Variants in KCNT1 observed in about 807,000 individuals in gnomAD.
The protein encoded by KCNT1 is potassium channel subfamily T member 1.
A neutral mutation model predicts 147.8 loss-of-function variants in KCNT1; 78 were observed. The ratio of observed to expected loss-of-function variants is 0.53; its 90% CI spans 0.44 to 0.64. KCNT1 has a LOEUF of 0.64. Ranked by LOEUF, KCNT1 falls within the 30% of genes least tolerant of loss-of-function variation. The pLI, the probability that KCNT1 is intolerant of heterozygous loss-of-function variation, is 0.00. For synonymous variants in KCNT1, 867 were observed against 748.8 expected, an observed-to-expected ratio of 1.16 and a Z score of -2.58; for missense variants, 1,419 against 1,750.3, an observed-to-expected ratio of 0.81 and a Z score of 3.38.
At chr9:135,737,948 G>A (rs1024758634) in intron 2 of KCNT1, among the ~76,000 whole-genome samples, 12 of 152,198 alleles carry the variant, frequency 7.9e-5, no homozygotes, top group Non-Finnish European at 1.5e-4. Context: ...ACTGGCCAAG[G>A]CCCTGGGGAC....
rs367855961 is a variant in KCNT1, at chr9:135,777,328, C to T, written c.2350-10C>T. ...CTGACTCCAGCCCTGACTCCAGCATCTGCCCCCAGGGCTGCAAGCACAACA... is the reference window on the plus strand; with the variant it reads ...CTGACTCCAGCCCTGACTCCAGCATTTGCCCCCAGGGCTGCAAGCACAACA... On this transcript the variant is annotated splice_polypyrimidine_tract_variant and intron_variant, in intron 20 of 30. Coordinates refer to ENST00000371757, the MANE Select transcript of KCNT1 (RefSeq NM_020822.3). The T allele has an allele frequency of 2.0e-5, 33 of 1,610,994 alleles. No homozygotes were observed. In the African/African-American group the frequency reaches 3.6e-4, roughly 18 times the overall value.
Position 135,777,423 on chromosome 9 carries a change from A to G in KCNT1, c.2435A>G (p.Asn812Ser), listed in dbSNP as rs1564380461. 1.9e-6 allele frequency: 3 copies of G among 1,614,050 alleles called. No homozygotes were observed. Among genetic ancestry groups the G allele is most frequent in the South Asian group, 1.1e-5 (1 of 91,084 alleles). ...ATCGTCTCGGCAGAGACGGCCGGCA[A>G]TGGGCTGTACAACTTCATCGTGCCA... ...LIIVSAETAGNGLYNFIVPLR... is the reference protein window; with the variant it reads ...LIIVSAETAGSGLYNFIVPLR... The change falls in exon 21 of 31, where the codon AAT becomes AGT. Residue 812 changes from asparagine to serine, a missense_variant. By Grantham distance (46) the Asn-to-Ser change is conservative. Around this residue, in one of 5 missense-constraint regions of KCNT1, gnomAD observed 247 missense variants for 397.1 expected, o/e 0.62. Transcript: ENST00000371757.
chr9:135,791,640 C>T, intron 29 of KCNT1, 157 bp from the exon 30 acceptor site: 2 of 666,062 alleles, frequency 3.0e-6, no homozygotes, highest in Non-Finnish European at 5.3e-6. Flanking sequence ...CAGGGATGGG[C>T]CCTGGCTGGG....
intron 19 of KCNT1, among the ~76,000 whole-genome samples, chr9:135,773,349 G>A (rs2096224315): frequency 6.6e-6 from 1 of 152,296 alleles, no homozygotes; most frequent in Non-Finnish European, 1.5e-5. Context: ...CTCTGAATCA[G>A]GATGGAGCTG....
intron 15 of KCNT1, among the ~76,000 whole-genome samples, chr9:135,769,647 C>G (rs1832607799): frequency 6.6e-6 from 1 of 152,118 alleles, no homozygotes; most frequent in Admixed American, 6.5e-5. Context: ...GCCCAGGGGA[C>G]AGGGGTCAGG....
rs1314463699 is a variant in KCNT1, at chr9:135,755,182, C to T, written c.540+13C>T. On this transcript the variant is annotated intron_variant, in intron 6 of 30. Coordinates refer to ENST00000371757, the MANE Select transcript of KCNT1 (RefSeq NM_020822.3). ...GTGGGCGATCCAGGTGAGTGCCCTA[C>T]CCTGCCCCCCTCCCGACTGCAGTGG... 11 of 1,604,750 alleles carry T rather than the reference C, an allele frequency of 6.9e-6. No homozygotes were observed. The highest frequency in any genetic ancestry group is 9.4e-6 in the Non-Finnish European group (11 of 1,175,794).
chr9:135,784,101 C>T lies in KCNT1; in HGVS notation c.2919C>T (p.Ser973=), dbSNP rs767283714. Residue 973 remains serine, a synonymous_variant, in exon 25 of 31, where the codon AGC becomes AGT. Coordinates refer to ENST00000371757, the MANE Select transcript of KCNT1 (RefSeq NM_020822.3). The part of the protein sequence containing the change: ...PFAAGRVFSI[S]MLDTLLYQSF... Reference sequence around the variant, plus strand: ...CCGCCGGCCGCGTCTTCAGCATCAGCATGTTGGACACACTGCTCTACCAGG... The same window carrying T: ...CCGCCGGCCGCGTCTTCAGCATCAGTATGTTGGACACACTGCTCTACCAGG... 4 of 1,605,044 alleles carry T rather than the reference C, an allele frequency of 2.5e-6. No individual in the cohort carries two copies. The highest frequency in any genetic ancestry group is 2.5e-6 in the Non-Finnish European group (3 of 1,179,920).
In KCNT1 at chr9:135,707,837, A is replaced by G. The variant is rs1232647764; in HGVS notation, c.110+5469A>G. On this transcript the variant is annotated intron_variant, in intron 1 of 30. Transcript: ENST00000371757. ...GAAAGCTGCTCTGAAGTCTGTCTGG[A>G]TAAATCTACAGCTTGATTTCGGCTC... is the stretch of plus-strand genomic sequence containing the variant. Among the ~76,000 whole-genome samples, 3 of 152,262 alleles carry G rather than the reference A, an allele frequency of 2.0e-5. No homozygotes were observed. The East Asian group carries it at 5.8e-4, about 29-fold the overall frequency.
At chr9:135,759,917 G>A (rs895103568) in intron 11 of KCNT1, 58 bp downstream of exon 11, 3 of 1,478,328 alleles carry the variant, frequency 2.0e-6, no homozygotes, top group African/African-American at 2.8e-5. Context: ...GCGGGTGCCA[G>A]TAGAGGGAGG....
intron 25 of KCNT1, 109 bp from the exon 26 acceptor site, chr9:135,784,426 G>T: frequency 2.5e-6 from 2 of 813,688 alleles, no homozygotes; most frequent in Non-Finnish European, 4.0e-6. Context: ...TGGCGAGCCC[G>T]TGGCCGGTGG....
rs749581375 is a variant in KCNT1 at position 135,785,338 on chromosome 9, AC to A, written c.3177+12del. ...CACGACCTCAGAGCCCAGGTAAGCA[AC>A]CCCTCCGTGCCCACGCAGCTTCTGC... On this transcript the variant is annotated intron_variant, in intron 28 of 30. Transcript: ENST00000371757. 17 of 1,612,638 alleles carry A rather than the reference AC, an allele frequency of 1.1e-5. No individual in the cohort carries two copies. The Admixed American group carries it at 2.8e-4, about 27-fold the overall frequency.
At chr9:135,725,175 G>A (rs531717616) in intron 2 of KCNT1, among the ~76,000 whole-genome samples, 1 of 150,630 alleles carries the variant, frequency 6.6e-6, no homozygotes, top group East Asian at 2.0e-4. Flanking sequence ...CCTGTCGAGG[G>A]CCACACAGCT....
At chr9:135,727,163 TC>T (rs147355687) in intron 2 of KCNT1, among the ~76,000 whole-genome samples, 259 of 9,934 alleles carry the variant, frequency 0.026, 24 homozygotes, top group Non-Finnish European at 0.039. Context: ...CCCCCCTCCC[TC>T]CCCCCTTTCT....
rs374822198 is a variant in KCNT1 at position 135,742,858 on chromosome 9, G to C, written c.255-7240G>C. 2.1e-5 allele frequency: 15 copies of C among 716,348 alleles called. No individual in the cohort carries two copies. In the African/African-American group the frequency reaches 2.4e-4, roughly 12 times the overall value. The allele number at this position is 716,348 out of a possible 1,614,324, so 44.4% of individuals were successfully genotyped here. A position where few individuals can be genotyped will look rare whatever the true frequency, so the allele number is the denominator to read the frequency against. On this transcript the variant is annotated intron_variant, in intron 2 of 30. Transcript: ENST00000371757. ...GGAACTGTCTTGGTGGCAGACAAGG[G>C]CTCTTAGAGGTGTGAGAGCCCTTGT...
chr9:135,744,417 G>T (rs767477730), intron 2 of KCNT1, among the ~76,000 whole-genome samples: 2 of 152,246 alleles, frequency 1.3e-5, no homozygotes, highest in Non-Finnish European at 2.9e-5. Flanking sequence ...GCACAGGCAG[G>T]CAGTGGGCAT....
Position 135,777,487 on chromosome 9 carries a change from C to T in KCNT1, c.2499C>T (p.Pro833=), listed in dbSNP as rs143885955. 29 of 1,613,856 alleles carry T rather than the reference C, an allele frequency of 1.8e-5. No individual in the cohort carries two copies. The highest frequency in any genetic ancestry group is 4.5e-5 in the East Asian group (2 of 44,884). The change falls in exon 21 of 31, where the codon CCC becomes CCT. Residue 833 remains proline (P), a synonymous_variant. Transcript: ENST00000371757. The part of the protein sequence containing the change: ...AYYRSRKELN[P]IVLLLDNKPD... ...ACAGATCCCGCAAGGAGCTGAACCCCATCGTGCTGCTGCTGGACAACAAGT... is the reference window on the plus strand; with the variant it reads ...ACAGATCCCGCAAGGAGCTGAACCCTATCGTGCTGCTGCTGGACAACAAGT...
chr9:135,773,297 C>T (rs35317044), intron 19 of KCNT1, among the ~76,000 whole-genome samples: 23,973 of 152,150 alleles, frequency 0.16, 2,065 homozygotes, highest in African/African-American at 0.2. Context: ...GAGAGGGGCC[C>T]GTTCCCACCC....
At chr9:135,719,273 G>A (rs1435202281) in intron 2 of KCNT1, among the ~76,000 whole-genome samples, 2 of 152,238 alleles carry the variant, frequency 1.3e-5, no homozygotes, top group African/African-American at 2.4e-5. Flanking sequence ...AGCCCCCAAA[G>A]GGCAGCTCGA....
intron 2 of KCNT1, among the ~76,000 whole-genome samples, chr9:135,727,336 CCTCT>C (rs1429429518): frequency 4.4e-5 from 5 of 113,204 alleles, no homozygotes; most frequent in Non-Finnish European, 5.5e-5. Context: ...TCTCTCCCTC[CCTCT>C]TTCTCCCTCT....
Sources: gnomAD v4.1 joint callset for allele counts (sites outside exome capture counted in the v4.1 genomes callset) on GRCh38, gnomAD v4.1.1 for gene constraint, gnomAD v4.1.1 regional missense constraint, MANE v1.5 for transcripts, NCBI Gene and HGNC (gene_info 2026-07-23, HGNC 2026-07-21) for gene names.